The following ZBTB40 variants were observed in gnomAD, a reference collection of about 807,000 sequenced individuals.
The protein encoded by ZBTB40 is zinc finger and BTB domain-containing protein 40.
In ZBTB40, 60 loss-of-function variants were observed where a neutral mutation model predicts 117.5. The observed-to-expected ratio is 0.51, with a 90% CI of 0.41 to 0.63. The LOEUF is 0.63. Ranked by LOEUF, ZBTB40 falls within the 30% of genes least tolerant of loss-of-function variation. The pLI is 0.00. For synonymous variants in ZBTB40, 525 were observed against 577.1 expected (o/e 0.91, Z 1.29); for missense variants, 1,287 against 1,498.5 (o/e 0.86, Z 2.33).
In ZBTB40 at chr1:22,490,605, G is replaced by A. The variant is rs148641174; in HGVS notation, c.657G>A (p.Val219=). 1.2e-4 allele frequency: 194 copies of A among 1,613,954 alleles called. No homozygotes were observed. The highest frequency in any genetic ancestry group is 3.3e-4 in the Middle Eastern group (2 of 6,062). Residue 219 remains valine, a synonymous_variant, in exon 2 of 18, where the codon GTG becomes GTA. Transcript: ENST00000375647. ...TAEACSPSPA[V]QTFSEAKKTS... is the part of the protein sequence containing the mutation. ...AAGCTTGTTCCCCCTCCCCTGCTGTGCAAACCTTTAGTGAGGCAAAGAAGA... is the reference window on the plus strand; with the variant it reads ...AAGCTTGTTCCCCCTCCCCTGCTGTACAAACCTTTAGTGAGGCAAAGAAGA...
chr1:22,445,477 C>A (rs1377361831), intron 1 of ZBTB40, among the ~76,000 whole-genome samples: 2 of 152,136 alleles, frequency 1.3e-5, no homozygotes, highest in Non-Finnish European at 2.9e-5. Context: ...ACCACCACAT[C>A]ACTAAAGGCC....
At chr1:22,481,787 CAAAAAAAAAAAAAAAA>C (rs766474050) in intron 1 of ZBTB40, among the ~76,000 whole-genome samples, 4 of 64,302 alleles carry the variant, frequency 6.2e-5, no homozygotes, top group South Asian at 2.0e-3. Flanking sequence ...CTTGTTTTAC[CAAAAAAAAAAAAAAAA>C]AAAAAAAAAA....
At chr1:22,476,862 G>A (rs1285062488) in intron 1 of ZBTB40, among the ~76,000 whole-genome samples, 1 of 152,094 alleles carries the variant, frequency 6.6e-6, no homozygotes, top group Non-Finnish European at 1.5e-5. Flanking sequence ...ACATAATTTA[G>A]GTTCCCTCTA....
chr1:22,505,550 A>G (rs114830329), intron 5 of ZBTB40, among the ~76,000 whole-genome samples: 4,317 of 152,326 alleles, frequency 0.028, 241 homozygotes, highest in African/African-American at 0.099. Flanking sequence ...CAGACTAATT[A>G]TACAAATTAT....
intron 1 of ZBTB40, among the ~76,000 whole-genome samples, chr1:22,438,085 G>A (rs994054519): frequency 6.6e-5 from 10 of 151,928 alleles, no homozygotes; most frequent in African/African-American, 2.4e-4. Flanking sequence ...AGCCGAGATC[G>A]CACCACTGTA....
rs1639154746 is a variant in ZBTB40, at chr1:22,508,997, G to A, written c.1700-103G>A. 12 of 1,582,546 alleles carry A rather than the reference G, an allele frequency of 7.6e-6. No homozygotes were observed. The East Asian group carries it at 2.7e-4, about 35-fold the overall frequency. ...CACTGCCAACCTCAGATAGGAGATAGGGGAAATGCATTTTCATTATGAAGA... is the reference window on the plus strand; with the variant it reads ...CACTGCCAACCTCAGATAGGAGATAAGGGAAATGCATTTTCATTATGAAGA... On this transcript the variant is annotated intron_variant, in intron 8 of 17. Transcript: ENST00000375647.
chr1:22,454,045 G>T (rs1318066264), intron 1 of ZBTB40, among the ~76,000 whole-genome samples: 1 of 152,182 alleles, frequency 6.6e-6, no homozygotes, highest in Non-Finnish European at 1.5e-5. Context: ...CGCCTCCCGG[G>T]TTCAAGTGAT....
rs1160869455 is a variant in ZBTB40, at chr1:22,451,857, CA to C, written c.-216del. The C allele has an allele frequency of 1.3e-5, 2 of 152,256 alleles. No individual in the cohort carries two copies. Among genetic ancestry groups the C allele is most frequent in the African/African-American group, 4.8e-5 (2 of 41,434 alleles). The allele number at this position is 152,256 out of a possible 1,614,324, so 9.4% of individuals were successfully genotyped here. The stretch of plus-strand genomic sequence containing the variant: ...GGGCCGCCCCCTCCCCTCTGATACC[CA>C]TTGCGCGCCGGCCTCAAGATGGCCG... On this transcript the variant is annotated 5_prime_UTR_variant, in exon 1 of 18. Coordinates refer to ENST00000375647, the MANE Select transcript of ZBTB40 (RefSeq NM_014870.4).
At chr1:22,498,963 T>C (rs779869483) in intron 3 of ZBTB40, among the ~76,000 whole-genome samples, 1 of 152,296 alleles carries the variant, frequency 6.6e-6, no homozygotes, top group South Asian at 2.1e-4. Context: ...CACAAATTGC[T>C]CTAAAATCTA....
intron 12 of ZBTB40, among the ~76,000 whole-genome samples, chr1:22,514,779 G>T (rs1395003985): frequency 2.0e-5 from 3 of 152,202 alleles, no homozygotes; most frequent in Non-Finnish European, 2.9e-5. Context: ...CAAGTGTCAT[G>T]AGTGGCAAGC....
rs202079396 is a variant in ZBTB40 at position 22,521,675 on chromosome 1, G to T, written c.3211+17G>T. 1 of 1,614,200 alleles carries T rather than the reference G, an allele frequency of 6.2e-7. No individual in the cohort carries two copies. On this transcript the variant is annotated intron_variant, in intron 15 of 17. Transcript: ENST00000375647. ...AACATGCAGGTGGAGTTTGGGTACC[G>T]CCGGCAGAGAGCGGGAGGGGCTTGA...
chr1:22,508,191 A>G, intron 7 of ZBTB40, 54 bp downstream of exon 7: 1 of 1,576,544 alleles, frequency 6.3e-7, no homozygotes, highest in Non-Finnish European at 8.7e-7. Flanking sequence ...AAAGAAGGAA[A>G]AAATATGAAT....
chr1:22,444,828 C>T lies in ZBTB40; in HGVS notation c.-70+15814C>T, dbSNP rs535887349. On this transcript the variant is annotated intron_variant, in intron 1 of 8. Coordinates refer to the ZBTB40 transcript ENST00000650433. ...CCACGTATTTGAATCTCTCAAGTCA[C>T]CCGCTTGGTCCTCTTCCAAGTATAC... 1.1e-4 allele frequency among the ~76,000 whole-genome samples: 17 copies of T among 152,316 alleles called. 1 individual carries two copies. In the South Asian group the frequency reaches 3.5e-3, roughly 32 times the overall value.
intron 1 of ZBTB40, among the ~76,000 whole-genome samples, chr1:22,462,579 C>T (rs1369479093): frequency 1.3e-5 from 2 of 152,214 alleles, no homozygotes; most frequent in Non-Finnish European, 2.9e-5. Context: ...GGAAGAGTCT[C>T]ATTTCTGTCA....
intron 1 of ZBTB40, among the ~76,000 whole-genome samples, chr1:22,481,144 A>G (rs544421039): frequency 2.0e-5 from 3 of 149,132 alleles, no homozygotes; most frequent in Non-Finnish European, 4.5e-5. Flanking sequence ...CTTTTCTTTA[A>G]TTTTTTTTCA....
chr1:22,443,282 A>G lies in ZBTB40; in HGVS notation c.-70+14268A>G, dbSNP rs757294194. 3.2e-4 allele frequency among the ~76,000 whole-genome samples: 48 copies of G among 152,334 alleles called. 1 individual carries two copies. The highest frequency in any genetic ancestry group is 1.2e-3 in the Admixed American group (19 of 15,304). ...AAAAGGTCCTCAGAACATGTGCCCAAGGTGATCAGATTACAGTTTGGTTTA... is the reference window on the plus strand; with the variant it reads ...AAAAGGTCCTCAGAACATGTGCCCAGGGTGATCAGATTACAGTTTGGTTTA... On this transcript the variant is annotated intron_variant, in intron 1 of 8. Transcript: ENST00000650433.
At chr1:22,440,129 T>TAATATATA (rs1340766941) in intron 1 of ZBTB40, among the ~76,000 whole-genome samples, 1 of 152,242 alleles carries the variant, frequency 6.6e-6, no homozygotes, top group African/African-American at 2.4e-5. Context: ...TGTTCATTGT[T>TAATATATA]AATATATAGA....
At chr1:22,495,700 C>T (rs1327336027) in intron 3 of ZBTB40, among the ~76,000 whole-genome samples, 10 of 152,138 alleles carry the variant, frequency 6.6e-5, no homozygotes, top group South Asian at 2.1e-4. Flanking sequence ...TTAGTAGAGA[C>T]GGGGTTTCAC....
intron 3 of ZBTB40, among the ~76,000 whole-genome samples, chr1:22,496,839 G>A (rs1638789258): frequency 6.6e-6 from 1 of 152,212 alleles, no homozygotes; most frequent in Non-Finnish European, 1.5e-5. Flanking sequence ...ATGGTAGGTG[G>A]CACACAGTCA....
Sources: allele counts gnomAD v4.1 joint callset (sites outside exome capture counted in the v4.1 genomes callset), GRCh38; gene constraint gnomAD v4.1.1; transcripts MANE v1.5; gene names NCBI Gene and HGNC (gene_info 2026-07-23, HGNC 2026-07-21).